CMYA5: variants seen among roughly 807,000 people sequenced by gnomAD.
CMYA5 encodes cardiomyopathy associated 5, also known as cardiomyopathy-associated protein 5.
A neutral mutation model predicts 318.9 loss-of-function variants in CMYA5; 246 were observed. The observed-to-expected ratio is 0.77, with a 90% CI of 0.70 to 0.86. The LOEUF is 0.86. CMYA5 is among the 40% of genes least tolerant of loss of function. The probability of loss-of-function intolerance (pLI) is 0.00; values close to 1 mark genes in which losing one functional copy is unlikely to be tolerated. For missense variants in CMYA5, 4,589 were observed against 4,678.2 expected, an observed-to-expected ratio of 0.98 and a Z score of 0.56; for synonymous variants, 1,641 against 1,729.5, an observed-to-expected ratio of 0.95 and a Z score of 1.27.
intron 9 of CMYA5, among the ~76,000 whole-genome samples, chr5:79,767,630 T>C (rs1161853526): frequency 1.3e-5 from 2 of 152,238 alleles, no homozygotes; most frequent in African/African-American, 4.8e-5. Flanking sequence ...AATTTCTTAA[T>C]CCTGAGTTCT....
intron 9 of CMYA5, among the ~76,000 whole-genome samples, chr5:79,784,882 G>A (rs911467964): frequency 6.6e-6 from 1 of 151,778 alleles, no homozygotes; most frequent in Non-Finnish European, 1.5e-5. Context: ...CGTCTTCTGC[G>A]TCGCTCACGC....
At chr5:79,701,661 T>C (rs1050936182) in intron 1 of CMYA5, among the ~76,000 whole-genome samples, 10 of 152,184 alleles carry the variant, frequency 6.6e-5, no homozygotes, top group African/African-American at 2.2e-4. Flanking sequence ...TCTGGCAGTT[T>C]CTCAAACAGT....
At position 79,731,313 on chromosome 5, in the gene CMYA5, G is replaced by A. The variant is rs1281752233; in HGVS notation, c.2548G>A (p.Val850Ile). 1 of 1,613,560 alleles carries A rather than the reference G, an allele frequency of 6.2e-7. No individual in the cohort carries two copies. Among genetic ancestry groups the A allele is most frequent in the South Asian group, 1.1e-5 (1 of 91,052 alleles). ...TGGACCATCTTCCCCAGATTTGGTT[G>A]TTGCATCTGAACACTCTTTCCCACC... Reference protein sequence around the residue: ...VIGPSSPDLVVASEHSFPPHT... With the variant: ...VIGPSSPDLVIASEHSFPPHT... The change falls in exon 2 of 13, where the codon GTT becomes ATT. Residue 850 changes from valine to isoleucine, a missense_variant. Val to Ile is a conservative substitution (Grantham distance 29). Transcript: ENST00000446378.
intron 5 of CMYA5, among the ~76,000 whole-genome samples, chr5:79,750,591 G>A (rs1335580923): frequency 3.3e-5 from 5 of 149,546 alleles, no homozygotes; most frequent in Non-Finnish European, 7.5e-5. Flanking sequence ...GGCAGTGCTT[G>A]TATATTAAAT....
At chr5:79,748,435 GAC>G (rs1399037116) in intron 5 of CMYA5, among the ~76,000 whole-genome samples, 1 of 152,162 alleles carries the variant, frequency 6.6e-6, no homozygotes, top group Admixed American at 6.5e-5. Flanking sequence ...AATTCTCACA[GAC>G]GAGTCTAAGA....
chr5:79,793,524 C>A lies in CMYA5; in HGVS notation c.11877C>A (p.Leu3959=), dbSNP rs148082008. 6.2e-7 allele frequency: 1 copy of A among 1,613,886 alleles called. No homozygotes were observed. ...TCACAGACTGCCCAGCATATCGACTCGGCATCTGCTCCAGCTCGGCTGTGC... is the reference window on the plus strand; with the variant it reads ...TCACAGACTGCCCAGCATATCGACTAGGCATCTGCTCCAGCTCGGCTGTGC... ...TTVTDCPAYR[L]GICSSSAVQA... is the part of the protein sequence containing the mutation. The change falls in exon 12 of 13, where the codon CTC becomes CTA. Residue 3959 remains leucine (L), a synonymous_variant. Transcript: ENST00000446378.
At position 79,733,949 on chromosome 5, in the gene CMYA5, A is replaced by G; in HGVS notation, c.5184A>G (p.Pro1728=). Residue 1728 remains proline (P), a synonymous_variant, in exon 2 of 13, where the codon CCA becomes CCG. Coordinates refer to ENST00000446378, the MANE Select transcript of CMYA5 (RefSeq NM_153610.5). ...PKIISLESKE[P]PASVAEGGNP... is the part of the protein sequence containing the mutation. ...TCATCAGCCTAGAGTCGAAAGAACC[A>G]CCTGCCTCTGTAGCTGAAGGAGGCA... 6.2e-7 allele frequency: 1 copy of G among 1,612,556 alleles called. No homozygotes were observed.
Position 79,734,224 on chromosome 5 carries a change from A to C in CMYA5, c.5459A>C (p.Glu1820Ala), listed in dbSNP as rs759742041. The part of the protein sequence containing the change: ...SKIAPSDLLV[E>A]QKKTEKALHS... ...ATTGCTCCTTCTGACCTCCTTGTAG[A>C]ACAAAAAAAGACAGAAAAAGCACTT... Residue 1820 changes from glutamate to alanine, a missense_variant, in exon 2 of 13, where the codon GAA becomes GCA. Around this residue, in one of 3 missense-constraint regions of CMYA5, gnomAD observed 2,132 missense variants for 2,131.3 expected, o/e 1.00. Coordinates refer to ENST00000446378, the MANE Select transcript of CMYA5 (RefSeq NM_153610.5). The C allele has an allele frequency of 6.2e-7, 1 of 1,613,668 alleles. No homozygotes were observed. Among genetic ancestry groups the C allele is most frequent in the Middle Eastern group, 1.6e-4 (1 of 6,082 alleles).
At chr5:79,775,856 G>A (rs1828929879) in intron 9 of CMYA5, among the ~76,000 whole-genome samples, 1 of 152,166 alleles carries the variant, frequency 6.6e-6, no homozygotes, top group African/African-American at 2.4e-5. Flanking sequence ...CTGTGGAGGG[G>A]TAAAGGAGGG....
At chr5:79,751,272 ACTGT>A (rs1260542938) in intron 5 of CMYA5, among the ~76,000 whole-genome samples, 3 of 152,070 alleles carry the variant, frequency 2.0e-5, no homozygotes, top group Admixed American at 1.3e-4. Flanking sequence ...TTCATCCCTG[ACTGT>A]CTGTGTTTCC....
intron 9 of CMYA5, among the ~76,000 whole-genome samples, chr5:79,773,952 C>T (rs1487803161): frequency 2.0e-5 from 3 of 152,194 alleles, no homozygotes; most frequent in Admixed American, 2.0e-4. Flanking sequence ...TTAAATCACA[C>T]GCACACATGG....
intron 1 of CMYA5, among the ~76,000 whole-genome samples, chr5:79,722,833 A>G (rs1827667841): frequency 6.6e-6 from 1 of 152,156 alleles, no homozygotes. Flanking sequence ...ATTATGAACA[A>G]CTTTAATTCA....
At chr5:79,708,888 C>G (rs911468493) in intron 1 of CMYA5, among the ~76,000 whole-genome samples, 1 of 152,100 alleles carries the variant, frequency 6.6e-6, no homozygotes, top group Non-Finnish European at 1.5e-5. Flanking sequence ...AAGCTGAGAT[C>G]ACGCCACCAT....
chr5:79,715,912 A>G (rs1189270599), intron 1 of CMYA5, among the ~76,000 whole-genome samples: 1 of 152,206 alleles, frequency 6.6e-6, no homozygotes, highest in Non-Finnish European at 1.5e-5. Context: ...GTCAACCACT[A>G]TAGTTCTGGA....
chr5:79,793,603 C>T lies in CMYA5; in HGVS notation c.11956C>T (p.Pro3986Ser). 2 of 1,594,524 alleles carry T rather than the reference C, an allele frequency of 1.3e-6. No homozygotes were observed. The highest frequency in any genetic ancestry group is 1.7e-6 in the Non-Finnish European group (2 of 1,164,262). ...CTCATGGTACATGCACTGCTCTGAG[C>T]CACAGAGGTAAGCGAGCCCTTCCCC... ...ETSWYMHCSE[P>S]QRYTFFYSGI... Residue 3986 changes from proline to serine, a missense_variant, in exon 12 of 13, where the codon CCA (proline) becomes TCA (serine). Around this residue, in one of 3 missense-constraint regions of CMYA5, gnomAD observed 2,431 missense variants for 2,495.1 expected, o/e 0.97. Coordinates refer to ENST00000446378, the MANE Select transcript of CMYA5 (RefSeq NM_153610.5).
chr5:79,736,246 C>T lies in CMYA5; in HGVS notation c.7481C>T (p.Thr2494Ile), dbSNP rs1281532278. ...AGAGATAGTAATGAAATAGGGAAGA[C>T]ACAAATTACACTTGGATCTAGATCT... is the stretch of plus-strand genomic sequence containing the variant. ...ELRDSNEIGK[T>I]QITLGSRSTE... is the part of the protein sequence containing the mutation. The change falls in exon 2 of 13, where the codon ACA becomes ATA. Residue 2494 changes from threonine to isoleucine, a missense_variant. Physicochemically the swap from Thr to Ile is moderately conservative, Grantham distance 89. This residue lies in a region of CMYA5 where 2,431 missense variants were observed against 2,495.1 expected (regional missense o/e 0.97). Transcript: ENST00000446378. 2.5e-6 allele frequency: 4 copies of T among 1,613,210 alleles called. No homozygotes were observed. The highest frequency in any genetic ancestry group is 1.3e-5 in the African/African-American group (1 of 74,840).
chr5:79,796,092 TC>T (rs11366665), intron 12 of CMYA5, among the ~76,000 whole-genome samples: 44,325 of 151,898 alleles, frequency 0.29, 6,903 homozygotes, highest in East Asian at 0.56. Flanking sequence ...CTACTTGGCC[TC>T]CCAGGTAGGG....
In CMYA5 at chr5:79,758,626, G is replaced by A. The variant is rs868251433; in HGVS notation, c.11111-127G>A. On this transcript the variant is annotated intron_variant, in intron 6 of 12. Coordinates refer to ENST00000446378, the MANE Select transcript of CMYA5 (RefSeq NM_153610.5). ...GGGTTGGGGGTTTGGGGGAACAAGA[G>A]AGCCCTTCTACTTTTATACTATGTA... 97 of 535,348 alleles carry A rather than the reference G, an allele frequency of 1.8e-4. 1 individual carries two copies. The highest frequency in any genetic ancestry group is 2.2e-4 in the Admixed American group (5 of 22,554). 33.2% of individuals were successfully genotyped at this position (535,348 alleles called of 1,614,324 possible). A position where few individuals can be genotyped will look rare whatever the true frequency, so the allele number is the denominator to read the frequency against.
chr5:79,735,341 A>G lies in CMYA5; in HGVS notation c.6576A>G (p.Pro2192=). 1 of 1,613,834 alleles carries G rather than the reference A, an allele frequency of 6.2e-7. No individual in the cohort carries two copies. The highest frequency in any genetic ancestry group is 8.5e-7 in the Non-Finnish European group (1 of 1,179,806). Residue 2192 remains proline, a synonymous_variant, in exon 2 of 13, where the codon CCA becomes CCG. Coordinates refer to ENST00000446378, the MANE Select transcript of CMYA5 (RefSeq NM_153610.5). ...GCTTGTTTTTTGGATCGAGCACTCC[A>G]GATAACAAAGTTGCTGAACAAGAAG... ...MSSLFFGSST[P]DNKVAEQEDL... is the part of the protein sequence containing the mutation.
Sources: gnomAD v4.1 joint callset for allele counts (sites outside exome capture counted in the v4.1 genomes callset) on GRCh38, gnomAD v4.1.1 for gene constraint, gnomAD v4.1.1 regional missense constraint, MANE v1.5 for transcripts, NCBI Gene and HGNC (gene_info 2026-07-23, HGNC 2026-07-21) for gene names.